The following TMEM135 variants were observed in gnomAD, a reference collection of about 807,000 sequenced individuals.
The protein encoded by TMEM135 is peroxisomal membrane protein 52.
A neutral mutation model predicts 60.3 loss-of-function variants in TMEM135; 30 were observed. The observed-to-expected ratio is 0.50, with a 90% confidence interval of 0.37 to 0.68. TMEM135 has a LOEUF of 0.68. TMEM135 is among the 30% of genes least tolerant of loss of function. The pLI is 0.00. For synonymous variants in TMEM135, 190 were observed against 186.7 expected (o/e 1.02, Z -0.14); for missense variants, 468 against 548.8 (o/e 0.85, Z 1.47).
chr11:87,312,255 T>G (rs1942652363), intron 10 of TMEM135, among the ~76,000 whole-genome samples: 1 of 151,606 alleles, frequency 6.6e-6, no homozygotes, highest in Non-Finnish European at 1.5e-5. Flanking sequence ...TGCCTTATTA[T>G]TTGTACTTGC....
Position 87,225,515 on chromosome 11 carries a change from A to G in TMEM135, c.463-11123A>G, listed in dbSNP as rs547256114. ...ACATCTTGTAAAAAAAAAAGTCATT[A>G]TCATTAAAAATGCAATTCAAAATAA... On this transcript the variant is annotated intron_variant, in intron 5 of 14. Transcript: ENST00000305494. 4.6e-5 allele frequency among the ~76,000 whole-genome samples: 7 copies of G among 152,208 alleles called. No individual in the cohort carries two copies. In the East Asian group the frequency reaches 1.4e-3, roughly 29 times the overall value.
intron 3 of TMEM135, among the ~76,000 whole-genome samples, chr11:87,075,523 C>T (rs928068189): frequency 8.5e-5 from 13 of 152,186 alleles, no homozygotes; most frequent in African/African-American, 3.1e-4. Context: ...GTCCTGAGCT[C>T]AAGTGATCCT....
chr11:87,273,792 G>A (rs1281844206), intron 6 of TMEM135, among the ~76,000 whole-genome samples: 2 of 152,040 alleles, frequency 1.3e-5, no homozygotes, highest in African/African-American at 4.8e-5. Flanking sequence ...TTAAGGGAAG[G>A]TCTCACCTAT....
At chr11:87,243,008 C>T (rs1591131813) in intron 6 of TMEM135, among the ~76,000 whole-genome samples, 1 of 136,940 alleles carries the variant, frequency 7.3e-6, no homozygotes, top group East Asian at 2.0e-4. Context: ...AGTCTTTAAT[C>T]CATCTTGAAT....
At chr11:87,274,002 GTGT>G in intron 6 of TMEM135, among the ~76,000 whole-genome samples, 1 of 62,208 alleles carries the variant, frequency 1.6e-5, no homozygotes, top group African/African-American at 4.6e-5. Context: ...TGAAACTTGA[GTGT>G]TTTTAAACAA....
chr11:87,095,991 A>T (rs1857318278), intron 4 of TMEM135: 2 of 187,594 alleles, frequency 1.1e-5, no homozygotes, highest in Non-Finnish European at 2.2e-5. Flanking sequence ...AAAAAAAAAA[A>T]GCCGTTGGTA....
At chr11:87,233,599 A>T (rs1940934012) in intron 5 of TMEM135, among the ~76,000 whole-genome samples, 3 of 152,134 alleles carry the variant, frequency 2.0e-5, no homozygotes, top group South Asian at 2.1e-4. Context: ...AATTTATATT[A>T]ATTATACCTC....
intron 5 of TMEM135, among the ~76,000 whole-genome samples, chr11:87,208,536 A>G (rs1185996389): frequency 6.6e-6 from 1 of 152,208 alleles, no homozygotes; most frequent in Non-Finnish European, 1.5e-5. Flanking sequence ...TTAAAAAACA[A>G]CACCTCTAAG....
intron 5 of TMEM135, among the ~76,000 whole-genome samples, chr11:87,190,053 C>G (rs566960957): frequency 3.9e-4 from 60 of 152,210 alleles, no homozygotes; most frequent in Middle Eastern, 3.4e-3. Flanking sequence ...GAAAAAGGAA[C>G]TGCTTTATGA....
chr11:87,316,266 A>G (rs370059220), intron 12 of TMEM135, among the ~76,000 whole-genome samples: 5,053 of 148,946 alleles, frequency 0.034, 91 homozygotes, highest in Admixed American at 0.047. Context: ...ACCCAAATAT[A>G]TGTGTGTGTG....
chr11:87,061,932 ACT>A (rs924251696), intron 1 of TMEM135, among the ~76,000 whole-genome samples: 1 of 151,916 alleles, frequency 6.6e-6, no homozygotes, highest in African/African-American at 2.4e-5. Flanking sequence ...CGTTTAATCA[ACT>A]CTGCTTATTG....
At chr11:87,084,670 T>C (rs569443333) in intron 3 of TMEM135, among the ~76,000 whole-genome samples, 1 of 152,236 alleles carries the variant, frequency 6.6e-6, no homozygotes, top group African/African-American at 2.4e-5. Context: ...CTTTGAGAGA[T>C]TGAATACCTT....
intron 6 of TMEM135, among the ~76,000 whole-genome samples, chr11:87,267,501 C>A (rs546567848): frequency 6.6e-6 from 1 of 152,144 alleles, no homozygotes; most frequent in East Asian, 1.9e-4. Flanking sequence ...GTGAAAAAAA[C>A]CATTTCACTG....
intron 4 of TMEM135, among the ~76,000 whole-genome samples, chr11:87,145,790 G>T (rs564418977): frequency 1.3e-4 from 19 of 151,166 alleles, no homozygotes; most frequent in Middle Eastern, 3.4e-3. Context: ...TTGTTTTCTT[G>T]CTATTGAATT....
chr11:87,319,088 C>T (rs1282084661), intron 13 of TMEM135: 4 of 499,862 alleles, frequency 8.0e-6, no homozygotes, highest in South Asian at 2.3e-5. Flanking sequence ...AGGCTGGTCT[C>T]GAGCTCCTGA....
chr11:87,272,015 C>T (rs1279276425), intron 6 of TMEM135, among the ~76,000 whole-genome samples: 1 of 148,918 alleles, frequency 6.7e-6, no homozygotes, highest in Middle Eastern at 3.2e-3. Flanking sequence ...TCAAATTACA[C>T]ATATAGCCTG....
intron 5 of TMEM135, among the ~76,000 whole-genome samples, chr11:87,200,047 G>T (rs1940058815): frequency 6.6e-6 from 1 of 152,046 alleles, no homozygotes; most frequent in Non-Finnish European, 1.5e-5. Flanking sequence ...TCTTCAATAT[G>T]GTTTGCTTCT....
At position 87,299,482 on chromosome 11, in the gene TMEM135, C is replaced by T. The variant is rs537781434; in HGVS notation, c.552-2814C>T. ...TCCCTCCCTCAACATGTGAGGATTACAACTCGAGATGAGATTTGGGTGGGA... is the reference window on the plus strand; with the variant it reads ...TCCCTCCCTCAACATGTGAGGATTATAACTCGAGATGAGATTTGGGTGGGA... On this transcript the variant is annotated intron_variant, in intron 7 of 14. Coordinates refer to ENST00000305494, the MANE Select transcript of TMEM135 (RefSeq NM_022918.4). 1.3e-3 allele frequency among the ~76,000 whole-genome samples: 196 copies of T among 152,316 alleles called. 1 individual carries two copies. Among genetic ancestry groups the T allele is most frequent in the African/African-American group, 4.4e-3 (184 of 41,564 alleles).
intron 7 of TMEM135, 117 bp from the exon 8 acceptor site, chr11:87,302,179 C>A: frequency 9.4e-7 from 1 of 1,063,770 alleles, no homozygotes; most frequent in Non-Finnish European, 1.3e-6. Context: ...TGTGAAAATA[C>A]TATCTCAAAT....
Sources: gnomAD v4.1 joint callset for allele counts (sites outside exome capture counted in the v4.1 genomes callset) on GRCh38, gnomAD v4.1.1 for gene constraint, MANE v1.5 for transcripts, NCBI Gene and HGNC (gene_info 2026-07-23, HGNC 2026-07-21) for gene names.